UNC13C: variants seen among roughly 807,000 people sequenced by gnomAD.
UNC13C encodes unc-13 homolog C.
UNC13C carries 174 observed loss-of-function variants against 245.4 expected under a neutral mutation model. That is an observed-to-expected ratio of 0.71 (90% confidence interval 0.63 to 0.80). UNC13C has a LOEUF of 0.80. Ranked by LOEUF, UNC13C falls within the 30% of genes least tolerant of loss-of-function variation. The pLI is 0.00. For missense variants in UNC13C, 2,829 were observed against 2,602.9 expected, an observed-to-expected ratio of 1.09 and a Z score of -1.89; for synonymous variants, 992 against 895.1, an observed-to-expected ratio of 1.11 and a Z score of -1.93.
At chr15:54,020,986 C>T (rs188298501) in intron 2 of UNC13C, among the ~76,000 whole-genome samples, 238 of 152,096 alleles carry the variant, frequency 1.6e-3, no homozygotes, top group African/African-American at 5.5e-3. Context: ...TTTTTTGCTT[C>T]TAATACACTA....
chr15:53,980,458 A>G (rs1179373214), intron 1 of UNC13C, among the ~76,000 whole-genome samples: 2 of 152,236 alleles, frequency 1.3e-5, no homozygotes, highest in African/African-American at 4.8e-5. Context: ...GTGAAACACT[A>G]TAGCAGTAAT....
intron 4 of UNC13C, among the ~76,000 whole-genome samples, chr15:54,234,551 C>G (rs556147510): frequency 3.5e-4 from 54 of 152,248 alleles, no homozygotes; most frequent in African/African-American, 1.2e-3. Flanking sequence ...TTACCAATAT[C>G]TTAAATATGT....
chr15:54,255,596 C>T (rs2036259286), intron 8 of UNC13C, among the ~76,000 whole-genome samples: 1 of 152,182 alleles, frequency 6.6e-6, no homozygotes, highest in South Asian at 2.1e-4. Flanking sequence ...TGCTCCTCTC[C>T]ACATCCCGCT....
At chr15:54,171,519 TC>T (rs1202199340) in intron 4 of UNC13C, among the ~76,000 whole-genome samples, 2 of 152,120 alleles carry the variant, frequency 1.3e-5, no homozygotes, top group Non-Finnish European at 2.9e-5. Flanking sequence ...ATGTCATTGA[TC>T]ACCAGGGAAA....
intron 30 of UNC13C, among the ~76,000 whole-genome samples, chr15:54,582,656 C>A (rs920379747): frequency 6.6e-6 from 1 of 152,110 alleles, no homozygotes; most frequent in Non-Finnish European, 1.5e-5. Context: ...TCAGTCTGAG[C>A]TCTGCAGAAG....
At chr15:53,994,025 T>C (rs1382092700) in intron 1 of UNC13C, among the ~76,000 whole-genome samples, 1 of 152,076 alleles carries the variant, frequency 6.6e-6, no homozygotes, top group Non-Finnish European at 1.5e-5. Context: ...ATTACCTTCT[T>C]AATTTCTTCC....
chr15:53,938,710 AC>A, the UNC13C span, among the ~76,000 whole-genome samples: 1 of 152,320 alleles, frequency 6.6e-6, no homozygotes, highest in East Asian at 1.9e-4. Context: ...TTCACGGAAA[AC>A]CACAAAACTA....
At chr15:54,152,180 C>T (rs1040429307) in intron 4 of UNC13C, among the ~76,000 whole-genome samples, 1 of 152,148 alleles carries the variant, frequency 6.6e-6, no homozygotes, top group Non-Finnish European at 1.5e-5. Context: ...AACTCATTCA[C>T]AATTTTTTTT....
chr15:54,451,807 TG>T (rs1891194072), intron 19 of UNC13C, among the ~76,000 whole-genome samples: 1 of 152,224 alleles, frequency 6.6e-6, no homozygotes, highest in South Asian at 2.1e-4. Context: ...TGTGTTTTTT[TG>T]GAAGTGTCAT....
At chr15:54,580,594 A>G (rs1391305772) in intron 30 of UNC13C, among the ~76,000 whole-genome samples, 1 of 152,198 alleles carries the variant, frequency 6.6e-6, no homozygotes, top group Non-Finnish European at 1.5e-5. Context: ...AATGGAAAGC[A>G]TAATAATTCA....
At chr15:54,280,677 T>C (rs369510512) in intron 10 of UNC13C, among the ~76,000 whole-genome samples, 3 of 85,092 alleles carry the variant, frequency 3.5e-5, no homozygotes, top group Non-Finnish European at 6.3e-5. Flanking sequence ...TACATATACA[T>C]ATATACATAT....
intron 2 of UNC13C, among the ~76,000 whole-genome samples, chr15:54,053,309 G>A (rs945951270): frequency 6.6e-6 from 1 of 152,164 alleles, no homozygotes; most frequent in Non-Finnish European, 1.5e-5. Context: ...TGGGATTACA[G>A]GCATAAGCCA....
chr15:54,061,302 T>G (rs1364157587), intron 2 of UNC13C, among the ~76,000 whole-genome samples: 2 of 152,106 alleles, frequency 1.3e-5, no homozygotes, highest in Non-Finnish European at 1.5e-5. Flanking sequence ...TTGGTGGACC[T>G]CACCTAAGAC....
chr15:54,022,060 T>C (rs1895924538), intron 2 of UNC13C, among the ~76,000 whole-genome samples: 1 of 152,226 alleles, frequency 6.6e-6, no homozygotes, highest in Non-Finnish European at 1.5e-5. Flanking sequence ...TCTCAGAACA[T>C]ATCCTTGTTG....
At chr15:54,164,667 A>G (rs1595933261) in intron 4 of UNC13C, among the ~76,000 whole-genome samples, 1 of 152,174 alleles carries the variant, frequency 6.6e-6, no homozygotes, top group East Asian at 1.9e-4. Context: ...CTTTCACTAA[A>G]CAATTATGGA....
chr15:54,516,095 G>A (rs1894961739), intron 24 of UNC13C, among the ~76,000 whole-genome samples: 1 of 152,128 alleles, frequency 6.6e-6, no homozygotes, highest in Non-Finnish European at 1.5e-5. Context: ...GCATCTGACT[G>A]CCCAAAAGTG....
intron 30 of UNC13C, among the ~76,000 whole-genome samples, chr15:54,579,188 G>A (rs1372069905): frequency 6.6e-6 from 1 of 152,110 alleles, no homozygotes; most frequent in Non-Finnish European, 1.5e-5. Flanking sequence ...TCTTCTACAG[G>A]ATTCCAAAAT....
the UNC13C span, chr15:53,913,449 G>T: frequency 4.6e-5 from 7 of 152,246 alleles, no homozygotes; most frequent in African/African-American, 7.2e-5. Flanking sequence ...AATAGGATGG[G>T]TGTGTTCATG....
At chr15:53,889,361 A>G in the UNC13C span, among the ~76,000 whole-genome samples, 10 of 152,008 alleles carry the variant, frequency 6.6e-5, no homozygotes, top group African/African-American at 2.4e-4. Context: ...TTTGACTGTT[A>G]TTGGTGTATA....
Sources: gnomAD v4.1 joint callset for allele counts (sites outside exome capture counted in the v4.1 genomes callset) on GRCh38, gnomAD v4.1.1 for gene constraint, MANE v1.5 for transcripts, NCBI Gene and HGNC (gene_info 2026-07-23, HGNC 2026-07-21) for gene names.